SPAG16: variants seen among roughly 807,000 people sequenced by gnomAD.
SPAG16 encodes sperm-associated antigen 16 protein.
SPAG16 carries 86 observed loss-of-function variants against 80.4 expected under a neutral mutation model. The ratio of observed to expected loss-of-function variants is 1.07; its 90% CI spans 0.90 to 1.28. The LOEUF is 1.28. SPAG16 is among the 50% of genes most tolerant of loss of function. The pLI, the probability that SPAG16 is intolerant of heterozygous loss-of-function variation, is 0.00. For synonymous variants in SPAG16, 294 were observed against 265.9 expected (o/e 1.11, Z -1.03); for missense variants, 870 against 765.3 (o/e 1.14, Z -1.61).
At chr2:213,820,068 G>A (rs1014426956) in intron 10 of SPAG16, among the ~76,000 whole-genome samples, 6 of 151,026 alleles carry the variant, frequency 4.0e-5, no homozygotes, top group South Asian at 2.1e-4. Flanking sequence ...GTGAGCCACC[G>A]TTGTTTTTGC....
chr2:213,426,830 G>A lies in SPAG16; in HGVS notation c.942+51711G>A, dbSNP rs577819499. The stretch of plus-strand genomic sequence containing the variant: ...ATGAACTTTTTCAAAAGATTATTCT[G>A]ATACATACACACACACACACACACA... On this transcript the variant is annotated intron_variant, in intron 9 of 15. Coordinates refer to ENST00000331683, the MANE Select transcript of SPAG16 (RefSeq NM_024532.5). Among the ~76,000 whole-genome samples, 361 of 69,686 alleles carry A rather than the reference G, an allele frequency of 5.2e-3. 2 individuals are homozygous for A. Among genetic ancestry groups the A allele is most frequent in the African/African-American group, 0.016 (335 of 21,484 alleles). 45.7% of individuals were successfully genotyped at this position (69,686 alleles called of 152,430 possible). A position where few individuals can be genotyped will look rare whatever the true frequency, so the allele number is the denominator to read the frequency against.
At chr2:214,225,019 T>C (rs111535099) in intron 15 of SPAG16, among the ~76,000 whole-genome samples, 2,506 of 152,264 alleles carry the variant, frequency 0.016, 44 homozygotes, top group African/African-American at 0.038. Flanking sequence ...TTCATTTTTA[T>C]TGAATAGTTG....
At chr2:214,304,339 G>C (rs796442453) in intron 15 of SPAG16, among the ~76,000 whole-genome samples, 3 of 152,132 alleles carry the variant, frequency 2.0e-5, no homozygotes, top group South Asian at 4.1e-4. Context: ...ACCGGAATGA[G>C]GGCAAGGAAC....
chr2:214,008,055 C>A (rs1393274806), intron 12 of SPAG16, among the ~76,000 whole-genome samples: 4 of 151,976 alleles, frequency 2.6e-5, no homozygotes, highest in Admixed American at 1.3e-4. Context: ...AGACTGTAAT[C>A]CATGGTTTTT....
chr2:213,398,012 A>C (rs1466321958), intron 9 of SPAG16, among the ~76,000 whole-genome samples: 1 of 152,024 alleles, frequency 6.6e-6, no homozygotes, highest in African/African-American at 2.4e-5. Flanking sequence ...GAAACTCCAC[A>C]CTTTAGTTAC....
intron 15 of SPAG16, among the ~76,000 whole-genome samples, chr2:214,310,644 G>C (rs1695233484): frequency 1.3e-5 from 2 of 152,294 alleles, no homozygotes; most frequent in East Asian, 1.9e-4. Flanking sequence ...GTGGTAAAGA[G>C]AGGGCTGCAC....
chr2:213,775,920 T>G (rs556608353), intron 10 of SPAG16, among the ~76,000 whole-genome samples: 36 of 152,366 alleles, frequency 2.4e-4, no homozygotes, highest in Non-Finnish European at 4.3e-4. Context: ...AACTGGAGAT[T>G]GTTAGTAAAC....
chr2:214,014,260 G>C (rs994912624), intron 13 of SPAG16, among the ~76,000 whole-genome samples, 183 bp downstream of exon 13: 1 of 152,138 alleles, frequency 6.6e-6, no homozygotes, highest in Non-Finnish European at 1.5e-5. Context: ...CCTTCCAAAT[G>C]TGATCAGGTA....
intron 13 of SPAG16, among the ~76,000 whole-genome samples, chr2:214,053,255 T>C (rs927356938): frequency 5.3e-5 from 8 of 152,196 alleles, no homozygotes; most frequent in African/African-American, 1.9e-4. Flanking sequence ...CAGTTTTAAT[T>C]TATAAGAGGA....
chr2:213,685,999 T>C lies in SPAG16; in HGVS notation c.1071-176486T>C, dbSNP rs145419178. ...TTTAAAAAGTGTGAAATTTAATAAA[T>C]TTTGACATATAATTATAAAGGTATC... On this transcript the variant is annotated intron_variant, in intron 10 of 15. Coordinates refer to ENST00000331683, the MANE Select transcript of SPAG16 (RefSeq NM_024532.5). 1.3e-3 allele frequency among the ~76,000 whole-genome samples: 200 copies of C among 152,338 alleles called. 5 individuals carry two copies. In the East Asian group the frequency reaches 0.028, roughly 21 times the overall value.
intron 10 of SPAG16, among the ~76,000 whole-genome samples, chr2:213,563,439 T>C (rs2059659022): frequency 6.6e-6 from 1 of 152,238 alleles, no homozygotes; most frequent in Non-Finnish European, 1.5e-5. Context: ...CTCATAGTTC[T>C]GGAGGCTGAA....
intron 3 of SPAG16, among the ~76,000 whole-genome samples, chr2:213,301,967 A>G (rs1169742722): frequency 6.6e-6 from 1 of 152,258 alleles, no homozygotes; most frequent in Admixed American, 6.5e-5. Flanking sequence ...GCCTTCATTC[A>G]CATATCTAAG....
intron 15 of SPAG16, among the ~76,000 whole-genome samples, chr2:214,278,730 G>T (rs9288492): frequency 0.6 from 90,571 of 152,044 alleles, 27,640 homozygotes; most frequent in South Asian, 0.7. Context: ...ATTTGATTTT[G>T]GATTATGCCA....
At chr2:213,479,396 T>A (rs1454740229) in intron 9 of SPAG16, among the ~76,000 whole-genome samples, 1 of 152,166 alleles carries the variant, frequency 6.6e-6, no homozygotes, top group Non-Finnish European at 1.5e-5. Context: ...TACTTGTATA[T>A]GTTTATTATT....
intron 11 of SPAG16, among the ~76,000 whole-genome samples, chr2:213,920,822 G>T (rs745588955): frequency 6.6e-6 from 1 of 152,210 alleles, no homozygotes; most frequent in African/African-American, 2.4e-5. Flanking sequence ...GTCATACTCT[G>T]CCACGAGTGC....
chr2:213,435,523 C>G (rs1370274966), intron 9 of SPAG16, among the ~76,000 whole-genome samples: 1 of 151,984 alleles, frequency 6.6e-6, no homozygotes, highest in Non-Finnish European at 1.5e-5. Context: ...ACGTGTAACT[C>G]TTTAATTTAT....
chr2:214,296,501 C>T (rs1694143805), intron 15 of SPAG16, among the ~76,000 whole-genome samples: 1 of 152,174 alleles, frequency 6.6e-6, no homozygotes, highest in Non-Finnish European at 1.5e-5. Flanking sequence ...CTAATTTACA[C>T]TCCCATAGTG....
At chr2:213,657,378 A>G (rs1026221481) in intron 10 of SPAG16, among the ~76,000 whole-genome samples, 1 of 152,174 alleles carries the variant, frequency 6.6e-6, no homozygotes, top group African/African-American at 2.4e-5. Context: ...TTGACACATA[A>G]GAAGCGCTCC....
intron 10 of SPAG16, among the ~76,000 whole-genome samples, chr2:213,629,884 T>C (rs1250959858): frequency 6.6e-6 from 1 of 152,232 alleles, no homozygotes; most frequent in African/African-American, 2.4e-5. Flanking sequence ...TCACTCTCAG[T>C]GCACAGGCAC....
Sources: allele counts gnomAD v4.1 joint callset (sites outside exome capture counted in the v4.1 genomes callset), GRCh38; gene constraint gnomAD v4.1.1; transcripts MANE v1.5; gene names NCBI Gene and HGNC (gene_info 2026-07-23, HGNC 2026-07-21).